Variants in CD163L1 observed in about 807,000 individuals in gnomAD.
The protein encoded by CD163L1 is scavenger receptor cysteine-rich type 1 protein M160.
Under a neutral mutation model 165.4 loss-of-function variants are expected in CD163L1, and 124 were observed. The observed-to-expected ratio is 0.75, with a 90% CI of 0.65 to 0.87. CD163L1 has a LOEUF of 0.87. Ranked by LOEUF, CD163L1 falls within the 40% of genes least tolerant of loss-of-function variation. CD163L1 has a pLI of 0.00. For missense variants in CD163L1, 1,525 were observed against 1,799.9 expected, an observed-to-expected ratio of 0.85 and a Z score of 2.76; for synonymous variants, 585 against 662.2, an observed-to-expected ratio of 0.88 and a Z score of 1.79.
At chr12:7,336,869 C>G in the CD163L1 span, among the ~76,000 whole-genome samples, 1 of 151,940 alleles carries the variant, frequency 6.6e-6, no homozygotes, top group South Asian at 2.1e-4. Flanking sequence ...CCAAGACAAC[C>G]CTAAGCAAAA....
rs1353536694 is a variant in CD163L1, at chr12:7,373,681, G to A, written c.3410-41C>T. The A allele has an allele frequency of 2.7e-6, 4 of 1,501,138 alleles. No homozygotes were observed. In the South Asian group the frequency reaches 4.1e-5, roughly 15 times the overall value. The allele number at this position is 1,501,138 out of a possible 1,614,324, so 93.0% of individuals were successfully genotyped here. ...AAACTTAGTATTAAATATTTCCTTT[G>A]GAGTTGGAAAATCCCTCCCCAAGGA... On this transcript the variant is annotated intron_variant, in intron 13 of 19. Transcript: ENST00000313599.
intron 1 of CD163L1, among the ~76,000 whole-genome samples, 199 bp downstream of exon 1, chr12:7,443,898 C>T (rs189302010): frequency 4.1e-4 from 63 of 152,098 alleles, no homozygotes; most frequent in Admixed American, 4.0e-3. Context: ...TAATGTTTTC[C>T]TCCTTTCTTG....
At chr12:7,359,697 C>T (rs919257494) in intron 18 of CD163L1, among the ~76,000 whole-genome samples, 1 of 152,032 alleles carries the variant, frequency 6.6e-6, no homozygotes, top group East Asian at 1.9e-4. Context: ...GAAATAAATA[C>T]AGGTAAAATA....
intron 2 of CD163L1, chr12:7,439,201 T>A (rs1041519018): frequency 1.3e-6 from 2 of 1,581,598 alleles, no homozygotes; most frequent in Non-Finnish European, 1.7e-6. Flanking sequence ...GTACACTTGA[T>A]TCAGATTCCA....
In CD163L1 at chr12:7,347,405, T is replaced by C. The variant is rs1451901530; in HGVS notation, c.*25-258A>G. On this transcript the variant is annotated intron_variant, in intron 4 of 4. Coordinates refer to the CD163L1 transcript ENST00000539726. The surrounding 1 kb of genome is among the most constrained non-coding windows in gnomAD (Gnocchi z 4.2). The stretch of plus-strand genomic sequence containing the variant: ...TCTGGGATGTTAAAAGTTAGCCTAA[T>C]AGTTTTCTTCATTGACAATGGGTGG... 6.6e-6 allele frequency among the ~76,000 whole-genome samples: 1 copy of C among 152,204 alleles called. No individual in the cohort carries two copies. The highest frequency in any genetic ancestry group is 1.5e-5 in the Non-Finnish European group (1 of 68,032).
At chr12:7,386,673 T>C (rs757803948) in intron 8 of CD163L1, among the ~76,000 whole-genome samples, 1 of 148,074 alleles carries the variant, frequency 6.8e-6, no homozygotes, top group Admixed American at 6.7e-5. Context: ...ATTGAACATA[T>C]GCAAATCAAT....
At chr12:7,351,614 T>C (rs1256812368), downstream of CD163L1, among the ~76,000 whole-genome samples, 1 of 152,152 alleles carries the variant, frequency 6.6e-6, no homozygotes, top group Non-Finnish European at 1.5e-5. Flanking sequence ...GGATTCAACA[T>C]ATGAATTTTA....
chr12:7,321,028 T>C, the CD163L1 span, among the ~76,000 whole-genome samples: 1 of 152,106 alleles, frequency 6.6e-6, no homozygotes, highest in Non-Finnish European at 1.5e-5. Flanking sequence ...TCCTCCCCAT[T>C]TGTGAAAATC....
chr12:7,375,685 A>G lies in CD163L1; in HGVS notation c.2686+15T>C. The G allele has an allele frequency of 6.2e-7, 1 of 1,613,184 alleles. No homozygotes were observed. The highest frequency in any genetic ancestry group is 8.5e-7 in the Non-Finnish European group (1 of 1,179,410). On this transcript the variant is annotated intron_variant, in intron 10 of 19. Coordinates refer to ENST00000313599, the MANE Select transcript of CD163L1 (RefSeq NM_174941.6). ...TCTCTAGCCCCAGCCAATTAAGATT[A>G]TTTAAAAATCTCACGGGAACAGACA...
chr12:7,328,548 C>CA, the CD163L1 span: 3 of 394,832 alleles, frequency 7.6e-6, no homozygotes, highest in South Asian at 9.5e-5. Context: ...ATAAAAGCCT[C>CA]AAAAACGTAT....
At chr12:7,356,056 C>T (rs1479383224) in intron 19 of CD163L1, among the ~76,000 whole-genome samples, 1 of 151,996 alleles carries the variant, frequency 6.6e-6, no homozygotes, top group African/African-American at 2.4e-5. Context: ...AAAAACAACA[C>T]ATAGTATTCA....
At chr12:7,371,681 G>T (rs1421285897) in intron 14 of CD163L1, among the ~76,000 whole-genome samples, 1 of 151,854 alleles carries the variant, frequency 6.6e-6, no homozygotes, top group Non-Finnish European at 1.5e-5. Flanking sequence ...TATATTTAAG[G>T]ATATTTAATG....
At chr12:7,421,350 T>C (rs1414192314) in intron 4 of CD163L1, among the ~76,000 whole-genome samples, 3 of 114,344 alleles carry the variant, frequency 2.6e-5, no homozygotes, top group African/African-American at 1.1e-4. Flanking sequence ...TCCAAATGTA[T>C]ATATATGTGT....
At chr12:7,409,984 C>T (rs894978070) in intron 4 of CD163L1, among the ~76,000 whole-genome samples, 53 of 151,958 alleles carry the variant, frequency 3.5e-4, no homozygotes, top group Non-Finnish European at 4.0e-4. Flanking sequence ...AATTACCATC[C>T]TTAATATATG....
chr12:7,373,787 T>A, intron 13 of CD163L1, 147 bp from the exon 14 acceptor site: 1 of 647,090 alleles, frequency 1.5e-6, no homozygotes, highest in Non-Finnish European at 2.5e-6. Flanking sequence ...ACAGCATAAA[T>A]CTGATGGAAA....
In CD163L1 at chr12:7,413,825, T is replaced by C. The variant is rs73272442; in HGVS notation, c.767-6973A>G. On this transcript the variant is annotated intron_variant, in intron 4 of 19. Coordinates refer to ENST00000313599, the MANE Select transcript of CD163L1 (RefSeq NM_174941.6). ...AGAAAAATAAATGGAAATCTCTCAG[T>C]ACTCAGCCTGGCTTTGCAGGATTGA... 6.4e-3 allele frequency among the ~76,000 whole-genome samples: 968 copies of C among 152,294 alleles called. 7 individuals carry two copies. The highest frequency in any genetic ancestry group is 0.022 in the African/African-American group (930 of 41,566).
chr12:7,348,211 G>A (rs1269081246), intron 4 of CD163L1, among the ~76,000 whole-genome samples: 1 of 152,150 alleles, frequency 6.6e-6, no homozygotes, highest in African/African-American at 2.4e-5. Context: ...TCAATCATCT[G>A]CAACCACTCT....
intron 8 of CD163L1, among the ~76,000 whole-genome samples, chr12:7,395,661 G>A (rs1025741751): frequency 1.3e-5 from 2 of 152,006 alleles, no homozygotes; most frequent in African/African-American, 4.8e-5. Context: ...TAATGCTATT[G>A]GATTTATCTT....
chr12:7,422,225 G>A (rs7973752), intron 4 of CD163L1, among the ~76,000 whole-genome samples: 16,708 of 151,932 alleles, frequency 0.11, 1,681 homozygotes, highest in African/African-American at 0.26. Context: ...AAAACTAACA[G>A]ACAAAAAGCA....
Sources: allele counts gnomAD v4.1 joint callset (sites outside exome capture counted in the v4.1 genomes callset), GRCh38; gene constraint gnomAD v4.1.1; non-coding constraint Gnocchi (gnomAD v3.1); transcripts MANE v1.5; gene names NCBI Gene and HGNC (gene_info 2026-07-23, HGNC 2026-07-21).